The following BCHE variants were observed in gnomAD, a reference collection of about 807,000 sequenced individuals.
The protein encoded by BCHE is cholinesterase.
In BCHE, 48 loss-of-function variants were observed where a neutral mutation model predicts 51.3. The ratio of observed to expected loss-of-function variants is 0.94; its 90% CI spans 0.74 to 1.19. The LOEUF is 1.19. BCHE is among the 50% of genes most tolerant of loss of function. BCHE has a pLI of 0.00. For missense variants in BCHE, 847 were observed against 708.2 expected (o/e 1.20, Z -2.23); for synonymous variants, 251 against 238.0 (o/e 1.05, Z -0.50).
intron 2 of BCHE, among the ~76,000 whole-genome samples, chr3:165,827,680 T>A (rs1714778250): frequency 6.6e-6 from 1 of 151,996 alleles, no homozygotes; most frequent in African/African-American, 2.4e-5. Context: ...CTTAAATGAT[T>A]TACAGTTCCT....
chr3:165,827,265 T>C (rs1250527015), intron 2 of BCHE, among the ~76,000 whole-genome samples: 1 of 152,096 alleles, frequency 6.6e-6, no homozygotes, highest in Non-Finnish European at 1.5e-5. Flanking sequence ...TGTTCAACTG[T>C]GCAAATATCG....
At chr3:165,801,968 G>T (rs1456880796) in intron 2 of BCHE, among the ~76,000 whole-genome samples, 1 of 152,022 alleles carries the variant, frequency 6.6e-6, no homozygotes, top group African/African-American at 2.4e-5. Context: ...TTTAGCTATT[G>T]CCCACTTCTA....
intron 2 of BCHE, among the ~76,000 whole-genome samples, chr3:165,809,957 G>A (rs1190334163): frequency 6.6e-6 from 1 of 152,020 alleles, no homozygotes; most frequent in Non-Finnish European, 1.5e-5. Context: ...TCTTTCGTTA[G>A]TATTTTACAG....
chr3:165,813,465 G>A (rs1714187361), intron 2 of BCHE, among the ~76,000 whole-genome samples: 1 of 151,190 alleles, frequency 6.6e-6, no homozygotes, highest in Non-Finnish European at 1.5e-5. Flanking sequence ...TCAAACCTCT[G>A]GTTTACCAAT....
At chr3:165,786,441 T>A in intron 2 of BCHE, 130 bp from the exon 3 acceptor site, 1 of 843,094 alleles carries the variant, frequency 1.2e-6, no homozygotes, top group Non-Finnish European at 1.8e-6. Flanking sequence ...TATATATTGA[T>A]GATATGAAAC....
chr3:165,791,868 A>G (rs1713181630), intron 2 of BCHE, among the ~76,000 whole-genome samples: 1 of 152,100 alleles, frequency 6.6e-6, no homozygotes, highest in Admixed American at 6.6e-5. Context: ...GAATGGCTTG[A>G]ACCTGGGAGA....
At position 165,830,710 on chromosome 3, in the gene BCHE, C is replaced by T. The variant is rs1206951762; in HGVS notation, c.324G>A (p.Glu108=). Residue 108 remains glutamate, a synonymous_variant, in exon 2 of 4, where the codon GAG becomes GAA. Coordinates refer to ENST00000264381, the MANE Select transcript of BCHE (RefSeq NM_000055.4). The stretch of plus-strand genomic sequence containing the variant: ...TGAGGTCAGTGTTTGGGTTCCACAT[C>T]TCTGATCCATGGAAGCCTGGAAAAC... ...DQSFPGFHGS[E]MWNPNTDLSE... The T allele has an allele frequency of 6.2e-7, 1 of 1,614,042 alleles. No homozygotes were observed. The highest frequency in any genetic ancestry group is 1.1e-5 in the South Asian group (1 of 91,084).
rs561560989 is a variant in BCHE, at chr3:165,814,274, A to T, written c.1517+15243T>A. On this transcript the variant is annotated intron_variant, in intron 2 of 3. Coordinates refer to ENST00000264381, the MANE Select transcript of BCHE (RefSeq NM_000055.4). ...CTCTATTTCAGGGTTCATTAATATGATTCAAAATTTTTATGACTACCTTCT... is the reference window on the plus strand; with the variant it reads ...CTCTATTTCAGGGTTCATTAATATGTTTCAAAATTTTTATGACTACCTTCT... Among the ~76,000 whole-genome samples the T allele has an allele frequency of 1.7e-4, 26 of 152,144 alleles. 1 individual carries two copies. The highest frequency in any genetic ancestry group is 7.9e-4 in the Admixed American group (12 of 15,240).
chr3:165,813,460 C>T (rs1346731496), intron 2 of BCHE, among the ~76,000 whole-genome samples: 1 of 151,448 alleles, frequency 6.6e-6, no homozygotes, highest in Non-Finnish European at 1.5e-5. Context: ...TAGGTTCAAA[C>T]CTCTGGTTTA....
rs947324791 is a variant in BCHE at position 165,773,691 on chromosome 3, G to T, written c.1685-185C>A. 2.6e-5 allele frequency among the ~76,000 whole-genome samples: 4 copies of T among 151,992 alleles called. No individual in the cohort carries two copies. The South Asian group carries it at 8.3e-4, about 32-fold the overall frequency. The stretch of plus-strand genomic sequence containing the variant: ...AAGAGATTTTAATAAAATCTTTACA[G>T]ATTATGTGAAAATGCAAATAATGTA... On this transcript the variant is annotated intron_variant, in intron 3 of 3. Coordinates refer to ENST00000264381, the MANE Select transcript of BCHE (RefSeq NM_000055.4).
chr3:165,816,222 T>C (rs1386886457), intron 2 of BCHE, among the ~76,000 whole-genome samples: 1 of 151,904 alleles, frequency 6.6e-6, no homozygotes, highest in African/African-American at 2.4e-5. Context: ...ATAGTCTTAA[T>C]TACTGATGAC....
At chr3:165,791,656 A>G (rs1462291205) in intron 2 of BCHE, among the ~76,000 whole-genome samples, 2 of 152,148 alleles carry the variant, frequency 1.3e-5, no homozygotes, top group East Asian at 3.9e-4. Context: ...TTGGAATGCA[A>G]TATCAAGAGT....
intron 2 of BCHE, among the ~76,000 whole-genome samples, chr3:165,820,600 A>G (rs1217719117): frequency 3.3e-5 from 5 of 152,042 alleles, no homozygotes; most frequent in Non-Finnish European, 5.9e-5. Context: ...TAATTATGAT[A>G]ATATACCACA....
At chr3:165,814,739 C>T (rs1033814064) in intron 2 of BCHE, among the ~76,000 whole-genome samples, 1 of 151,942 alleles carries the variant, frequency 6.6e-6, no homozygotes, top group Non-Finnish European at 1.5e-5. Context: ...GGGGCTACTT[C>T]CTAGTCTCTT....
At chr3:165,809,937 C>T (rs1714029593) in intron 2 of BCHE, among the ~76,000 whole-genome samples, 1 of 152,100 alleles carries the variant, frequency 6.6e-6, no homozygotes, top group Non-Finnish European at 1.5e-5. Context: ...GAAAATGCTC[C>T]TATTTCCACT....
At chr3:165,787,669 C>T (rs971887378) in intron 2 of BCHE, among the ~76,000 whole-genome samples, 5 of 151,738 alleles carry the variant, frequency 3.3e-5, no homozygotes, top group African/African-American at 7.3e-5. Flanking sequence ...CAAATAATGA[C>T]GAAAAAACTA....
At chr3:165,780,891 C>T (rs1383180992) in intron 3 of BCHE, among the ~76,000 whole-genome samples, 1 of 152,074 alleles carries the variant, frequency 6.6e-6, no homozygotes, top group Non-Finnish European at 1.5e-5. Context: ...TATCATTTGA[C>T]CCAGCAATCC....
chr3:165,827,329 G>A (rs983220246), intron 2 of BCHE, among the ~76,000 whole-genome samples: 4 of 151,496 alleles, frequency 2.6e-5, no homozygotes, highest in African/African-American at 9.7e-5. Context: ...CTACTTTACA[G>A]TTTAACTCTT....
At chr3:165,793,784 T>C (rs943004271) in intron 2 of BCHE, among the ~76,000 whole-genome samples, 1 of 152,178 alleles carries the variant, frequency 6.6e-6, no homozygotes, top group Non-Finnish European at 1.5e-5. Flanking sequence ...ACCATGTTCA[T>C]GCCTGTAATC....
Sources: allele counts gnomAD v4.1 joint callset (sites outside exome capture counted in the v4.1 genomes callset), GRCh38; gene constraint gnomAD v4.1.1; transcripts MANE v1.5; gene names NCBI Gene and HGNC (gene_info 2026-07-23, HGNC 2026-07-21).